KHDRBS3: variants seen among roughly 807,000 people sequenced by gnomAD.
KHDRBS3 encodes KH domain-containing, RNA-binding, signal transduction-associated protein 3.
Under a neutral mutation model 45.6 loss-of-function variants are expected in KHDRBS3, and 23 were observed. The ratio of observed to expected loss-of-function variants is 0.50; its 90% confidence interval spans 0.36 to 0.72. KHDRBS3 has a LOEUF of 0.72. Ranked by LOEUF, KHDRBS3 falls within the 30% of genes least tolerant of loss-of-function variation. KHDRBS3 has a pLI of 0.00. For missense variants in KHDRBS3, 352 were observed against 424.8 expected, an observed-to-expected ratio of 0.83 and a Z score of 1.51; for synonymous variants, 162 against 156.5, an observed-to-expected ratio of 1.04 and a Z score of -0.26.
chr8:135,488,684 T>C (rs1359206335), intron 1 of KHDRBS3, among the ~76,000 whole-genome samples: 1 of 152,180 alleles, frequency 6.6e-6, no homozygotes, highest in African/African-American at 2.4e-5. Context: ...AGTATAGACT[T>C]CATATTTGAT....
chr8:135,520,562 G>A (rs1236770860), intron 1 of KHDRBS3, among the ~76,000 whole-genome samples: 4 of 152,172 alleles, frequency 2.6e-5, no homozygotes, highest in Non-Finnish European at 4.4e-5. Context: ...AGTGCTTTGT[G>A]AGTATCAAGG....
chr8:135,615,909 A>G (rs1829895195), intron 7 of KHDRBS3, among the ~76,000 whole-genome samples: 3 of 152,178 alleles, frequency 2.0e-5, no homozygotes, highest in African/African-American at 7.2e-5. Context: ...TGAGTCTGAG[A>G]AGCAAGACTG....
chr8:135,628,120 C>A (rs1830451410), intron 7 of KHDRBS3, among the ~76,000 whole-genome samples: 1 of 151,918 alleles, frequency 6.6e-6, no homozygotes, highest in South Asian at 2.1e-4. Context: ...TGAAGCATTT[C>A]TTTTTTCAGG....
intron 1 of KHDRBS3, among the ~76,000 whole-genome samples, chr8:135,520,839 C>T (rs1824869324): frequency 6.6e-6 from 1 of 152,124 alleles, no homozygotes; most frequent in African/African-American, 2.4e-5. Flanking sequence ...GTTGTAGAAG[C>T]CTTGAAAAGC....
intron 6 of KHDRBS3, among the ~76,000 whole-genome samples, chr8:135,597,392 C>T (rs868554778): frequency 7.9e-5 from 12 of 151,946 alleles, no homozygotes; most frequent in African/African-American, 2.4e-4. Flanking sequence ...AACCACAGCA[C>T]CCCTCTACCT....
At chr8:135,522,266 A>G (rs1034156394) in intron 2 of KHDRBS3, among the ~76,000 whole-genome samples, 6 of 152,218 alleles carry the variant, frequency 3.9e-5, no homozygotes, top group African/African-American at 1.2e-4. Flanking sequence ...ATGTCCCTGC[A>G]AAGGACATGA....
At chr8:135,571,004 GCAAATAGTGTTA>G (rs1247973825) in intron 5 of KHDRBS3, among the ~76,000 whole-genome samples, 1 of 152,144 alleles carries the variant, frequency 6.6e-6, no homozygotes, top group Non-Finnish European at 1.5e-5. Context: ...AATAACAGAG[GCAAATAGTGTTA>G]CAAATTGGGT....
At chr8:135,479,617 G>A (rs535273757) in intron 1 of KHDRBS3, among the ~76,000 whole-genome samples, 146 of 152,310 alleles carry the variant, frequency 9.6e-4, no homozygotes, top group South Asian at 1.9e-3. Context: ...CATGGTAGAA[G>A]AGTGAAAGGG....
intron 6 of KHDRBS3, among the ~76,000 whole-genome samples, chr8:135,598,469 A>G (rs758628606): frequency 8.5e-5 from 13 of 152,208 alleles, no homozygotes; most frequent in Non-Finnish European, 1.6e-4. Flanking sequence ...TGGAATTTGA[A>G]CATAGTCATC....
intron 1 of KHDRBS3, among the ~76,000 whole-genome samples, chr8:135,518,967 G>C (rs1379913110): frequency 6.6e-6 from 1 of 152,018 alleles, no homozygotes; most frequent in Non-Finnish European, 1.5e-5. Context: ...TAAAATTAAA[G>C]GTACTCTTCT....
intron 7 of KHDRBS3, among the ~76,000 whole-genome samples, chr8:135,624,702 C>G (rs575118123): frequency 3.3e-5 from 5 of 152,298 alleles, no homozygotes; most frequent in African/African-American, 1.2e-4. Flanking sequence ...CCCTTCCTTC[C>G]CCAACACAAT....
intron 7 of KHDRBS3, among the ~76,000 whole-genome samples, chr8:135,634,784 C>T (rs1254072323): frequency 6.6e-6 from 1 of 152,188 alleles, no homozygotes; most frequent in East Asian, 1.9e-4. Flanking sequence ...GTTGTGACAT[C>T]GGGCTCTGTC....
At chr8:135,481,024 T>C (rs866726751) in intron 1 of KHDRBS3, among the ~76,000 whole-genome samples, 1 of 152,036 alleles carries the variant, frequency 6.6e-6, no homozygotes, top group Non-Finnish European at 1.5e-5. Context: ...GTTTAAAAGG[T>C]AGCAGTGCAA....
intron 4 of KHDRBS3, among the ~76,000 whole-genome samples, chr8:135,553,566 T>A (rs1826722430): frequency 6.6e-6 from 1 of 152,190 alleles, no homozygotes; most frequent in Non-Finnish European, 1.5e-5. Context: ...TGAGGTTACT[T>A]CTTATAGATC....
intron 2 of KHDRBS3, among the ~76,000 whole-genome samples, chr8:135,526,533 A>ATCAG (rs1825197655): frequency 1.3e-5 from 2 of 152,142 alleles, no homozygotes; most frequent in Non-Finnish European, 2.9e-5. Flanking sequence ...TAGCACTGCA[A>ATCAG]TCAGTCCTAA....
intron 5 of KHDRBS3, among the ~76,000 whole-genome samples, chr8:135,570,944 G>A (rs991079379): frequency 3.3e-5 from 5 of 152,188 alleles, no homozygotes; most frequent in African/African-American, 9.7e-5. Context: ...GACAAAAAGC[G>A]GAAAATCTTT....
intron 6 of KHDRBS3, among the ~76,000 whole-genome samples, chr8:135,585,518 G>A (rs11779409): frequency 0.38 from 57,501 of 151,774 alleles, 12,396 homozygotes; most frequent in South Asian, 0.53. Context: ...CCAATAACTA[G>A]TATATAATGT....
intron 5 of KHDRBS3, among the ~76,000 whole-genome samples, chr8:135,575,898 T>C (rs1827925707): frequency 6.6e-6 from 1 of 152,244 alleles, no homozygotes; most frequent in Middle Eastern, 3.2e-3. Context: ...CTAGTGTCCT[T>C]TTTCTGTTCC....
intron 1 of KHDRBS3, among the ~76,000 whole-genome samples, chr8:135,514,785 A>G (rs1824485843): frequency 6.6e-6 from 1 of 152,190 alleles, no homozygotes; most frequent in African/African-American, 2.4e-5. Flanking sequence ...TTAGCTCTCT[A>G]ACCTTTGCAA....
Sources: allele counts gnomAD v4.1 joint callset (sites outside exome capture counted in the v4.1 genomes callset), GRCh38; gene constraint gnomAD v4.1.1; transcripts MANE v1.5; gene names NCBI Gene and HGNC (gene_info 2026-07-23, HGNC 2026-07-21).